Variants in PITPNC1 observed in about 807,000 individuals in gnomAD.
The protein encoded by PITPNC1 is phosphatidylinositol transfer protein cytoplasmic 1.
A neutral mutation model predicts 44.7 loss-of-function variants in PITPNC1; 18 were observed. The ratio of observed to expected loss-of-function variants is 0.40; its 90% confidence interval spans 0.28 to 0.60. PITPNC1 has a LOEUF of 0.60. Among genes scored for constraint, PITPNC1 ranks in the 20% least tolerant of loss-of-function variants. The pLI, the probability that PITPNC1 is intolerant of heterozygous loss-of-function variation, is 0.39. For missense variants in PITPNC1, 290 were observed against 418.4 expected, an observed-to-expected ratio of 0.69 and a Z score of 2.68; for synonymous variants, 141 against 149.6, an observed-to-expected ratio of 0.94 and a Z score of 0.42.
chr17:67,625,699 T>C (rs2041887793), intron 5 of PITPNC1, among the ~76,000 whole-genome samples: 1 of 152,020 alleles, frequency 6.6e-6, no homozygotes, highest in Non-Finnish European at 1.5e-5. Context: ...TGGCTGACTG[T>C]GGGATGATAG....
chr17:67,395,679 T>C (rs151263526), intron 1 of PITPNC1, among the ~76,000 whole-genome samples: 105 of 152,278 alleles, frequency 6.9e-4, no homozygotes, highest in Non-Finnish European at 1.3e-3. Flanking sequence ...CATTCGGGAT[T>C]ATTGTAGCCT....
chr17:67,567,852 A>G (rs888161531), intron 4 of PITPNC1, among the ~76,000 whole-genome samples: 2 of 152,092 alleles, frequency 1.3e-5, no homozygotes, highest in African/African-American at 4.8e-5. Flanking sequence ...AGGTGCCTGT[A>G]ATCCCAGCTA....
At chr17:67,417,400 G>T (rs2038604947) in intron 1 of PITPNC1, among the ~76,000 whole-genome samples, 1 of 152,164 alleles carries the variant, frequency 6.6e-6, no homozygotes, top group African/African-American at 2.4e-5. Flanking sequence ...AAAGTGCTGA[G>T]ATTACAGGTG....
chr17:67,615,361 G>T (rs943751517), intron 5 of PITPNC1, among the ~76,000 whole-genome samples: 15 of 152,224 alleles, frequency 9.9e-5, no homozygotes, highest in African/African-American at 3.1e-4. Context: ...GAATGAGCTG[G>T]AAGGAGACAC....
chr17:67,509,229 G>A (rs529320516), intron 1 of PITPNC1, among the ~76,000 whole-genome samples: 9 of 146,634 alleles, frequency 6.1e-5, no homozygotes, highest in South Asian at 4.4e-4. Flanking sequence ...GTGAGATTCC[G>A]TCTCAAAATA....
chr17:67,510,171 T>TGTCC (rs1328715736), intron 1 of PITPNC1, among the ~76,000 whole-genome samples: 1 of 152,186 alleles, frequency 6.6e-6, no homozygotes, highest in Non-Finnish European at 1.5e-5. Flanking sequence ...GCAACACATT[T>TGTCC]GTCCTTCCTT....
At chr17:67,462,647 A>C (rs1056328050) in intron 1 of PITPNC1, among the ~76,000 whole-genome samples, 2 of 152,148 alleles carry the variant, frequency 1.3e-5, no homozygotes, top group Non-Finnish European at 2.9e-5. Context: ...TTTCATGCAA[A>C]TGAGGTGGAG....
intron 1 of PITPNC1, among the ~76,000 whole-genome samples, chr17:67,420,212 C>T (rs950889223): frequency 6.6e-6 from 1 of 152,066 alleles, no homozygotes; most frequent in Non-Finnish European, 1.5e-5. Context: ...ATTTGAAAAC[C>T]TCCAGTGCAG....
At chr17:67,393,123 C>G (rs1249447425) in intron 1 of PITPNC1, among the ~76,000 whole-genome samples, 1 of 150,088 alleles carries the variant, frequency 6.7e-6, no homozygotes, top group Non-Finnish European at 1.5e-5. Context: ...GAGCAAGACT[C>G]CACCTCAAAA....
chr17:67,515,825 G>A (rs2040251911), intron 1 of PITPNC1, among the ~76,000 whole-genome samples: 1 of 152,184 alleles, frequency 6.6e-6, no homozygotes, highest in Non-Finnish European at 1.5e-5. Context: ...CCAAAGGCAG[G>A]GACGTTCTGC....
intron 1 of PITPNC1, among the ~76,000 whole-genome samples, chr17:67,491,906 A>C (rs763648322): frequency 6.6e-6 from 1 of 151,982 alleles, no homozygotes; most frequent in Non-Finnish European, 1.5e-5. Context: ...TTTTAGTAAG[A>C]TCAGAAATGA....
At chr17:67,612,883 T>C (rs1479142661) in intron 5 of PITPNC1, 1 of 152,144 alleles carries the variant, frequency 6.6e-6, no homozygotes, top group Non-Finnish European at 1.5e-5. Flanking sequence ...TCTGACCACA[T>C]GTGAGAATGA....
intron 1 of PITPNC1, among the ~76,000 whole-genome samples, chr17:67,480,934 C>A (rs1182183108): frequency 6.6e-6 from 1 of 152,208 alleles, no homozygotes; most frequent in African/African-American, 2.4e-5. Context: ...AGGCTGGGTA[C>A]TGTGGCTCAT....
chr17:67,670,588 A>T (rs2144402671), intron 7 of PITPNC1, among the ~76,000 whole-genome samples: 1 of 151,752 alleles, frequency 6.6e-6, no homozygotes, highest in Admixed American at 6.6e-5. Context: ...TCTCTGCTAA[A>T]AATACAAAAA....
At chr17:67,382,170 A>G (rs2037970728) in intron 1 of PITPNC1, among the ~76,000 whole-genome samples, 1 of 152,206 alleles carries the variant, frequency 6.6e-6, no homozygotes, top group Non-Finnish European at 1.5e-5. Flanking sequence ...GTAAATGAAA[A>G]ATCAGAGGCC....
At chr17:67,455,732 G>A (rs1000565590) in intron 1 of PITPNC1, among the ~76,000 whole-genome samples, 3 of 151,866 alleles carry the variant, frequency 2.0e-5, no homozygotes, top group Admixed American at 1.3e-4. Context: ...GTGAGCCACC[G>A]CTCCCAGCTG....
At chr17:67,658,860 C>G (rs1054840204) in intron 6 of PITPNC1, among the ~76,000 whole-genome samples, 4 of 152,056 alleles carry the variant, frequency 2.6e-5, no homozygotes, top group African/African-American at 9.7e-5. Flanking sequence ...ATATTCTGGT[C>G]AACTGCAGGG....
intron 1 of PITPNC1, among the ~76,000 whole-genome samples, chr17:67,425,164 G>A (rs986736580): frequency 2.1e-5 from 3 of 141,966 alleles, no homozygotes; most frequent in African/African-American, 7.8e-5. Flanking sequence ...CCTGCACCCA[G>A]GTGAAATAAA....
rs575321967 is a variant in PITPNC1 at position 67,470,414 on chromosome 17, C to T, written c.49-62388C>T. On this transcript the variant is annotated intron_variant, in intron 1 of 8. Coordinates refer to ENST00000581322, the MANE Select transcript of PITPNC1 (RefSeq NM_012417.4). ...TTCTCTCTACCCCCCACATTCCCCA[C>T]TCCTGTTCCTAACAAGCACTGATCT... Among the ~76,000 whole-genome samples the T allele has an allele frequency of 6.6e-5, 10 of 152,392 alleles. 1 individual carries two copies. The South Asian group carries it at 2.1e-3, about 32-fold the overall frequency.
Sources: allele counts gnomAD v4.1 joint callset (sites outside exome capture counted in the v4.1 genomes callset), GRCh38; gene constraint gnomAD v4.1.1; transcripts MANE v1.5; gene names NCBI Gene and HGNC (gene_info 2026-07-23, HGNC 2026-07-21).